Variants in HIVEP2 observed in about 807,000 individuals in gnomAD.
HIVEP2 encodes transcription factor HIVEP2.
In HIVEP2, 14 loss-of-function variants were observed where a neutral mutation model predicts 180.7. That is an observed-to-expected ratio of 0.08 (90% CI 0.05 to 0.12). HIVEP2 has a LOEUF of 0.12. HIVEP2 is among the 10% of genes least tolerant of loss of function. The probability of loss-of-function intolerance (pLI) is 1.00; values close to 1 mark genes in which losing one functional copy is unlikely to be tolerated. For missense variants in HIVEP2, 2,579 were observed against 3,008.5 expected (o/e 0.86, Z 3.34); for synonymous variants, 1,184 against 1,136.4 (o/e 1.04, Z -0.84).
chr6:142,771,427 C>T lies in HIVEP2; in HGVS notation c.3312G>A (p.Lys1104=), dbSNP rs1358217453. Residue 1104 remains lysine, a synonymous_variant, in exon 5 of 10, where the codon AAG becomes AAA. Transcript: ENST00000367603. This position sits in a 1 kb window ranked among gnomAD's most constrained non-coding sequence, Gnocchi z 5.4. ...CATGCAGGTGCTCCAGCTGCTCTTGCTTCACGCTCTGATCCATGCCAACCT... is the reference window on the plus strand; with the variant it reads ...CATGCAGGTGCTCCAGCTGCTCTTGTTTCACGCTCTGATCCATGCCAACCT... The part of the protein sequence containing the change: ...QGEVGMDQSV[K]QEQLEHLHAG... 2.5e-6 allele frequency: 4 copies of T among 1,613,566 alleles called. No homozygotes were observed. The highest frequency in any genetic ancestry group is 3.4e-6 in the Non-Finnish European group (4 of 1,180,026).
In HIVEP2 at chr6:142,929,410, G is replaced by A. The variant is rs542898630; in HGVS notation, c.-641+15689C>T. 2.8e-4 allele frequency among the ~76,000 whole-genome samples: 42 copies of A among 152,082 alleles called. 1 individual carries two copies. The South Asian group carries it at 8.3e-3, about 30-fold the overall frequency. ...AGGATATAAAGATCAGTATGAGAAC[G>A]GTAAGATAAATTAACTTATGAATAA... On this transcript the variant is annotated intron_variant, in intron 1 of 9. Coordinates refer to ENST00000367603, the MANE Select transcript of HIVEP2 (RefSeq NM_006734.4).
intron 3 of HIVEP2, among the ~76,000 whole-genome samples, chr6:142,779,255 A>G (rs1263190503): frequency 2.6e-5 from 4 of 152,186 alleles, no homozygotes; most frequent in Non-Finnish European, 5.9e-5. Flanking sequence ...TAAGAACCTT[A>G]CAAGTGAAAA....
At chr6:142,797,288 C>A (rs955653032) in intron 2 of HIVEP2, among the ~76,000 whole-genome samples, 2 of 152,118 alleles carry the variant, frequency 1.3e-5, no homozygotes, top group African/African-American at 4.8e-5. Flanking sequence ...TAAACTTCAT[C>A]TATCCAAGTC....
In HIVEP2 at chr6:142,760,065, G is replaced by A; in HGVS notation, c.6223C>T (p.His2075Tyr). ...GACAGATCTCTCCTAGGTGATAAAT[G>A]TCTCCTGGGAGATAAATCTCCTTTG... ...IPKGDLSPRR[H>Y]LSPRRDLSPM... Residue 2075 changes from histidine to tyrosine, a missense_variant, in exon 9 of 10, where the codon CAT becomes TAT. This residue lies in a region of HIVEP2 where 660 missense variants were observed against 731.7 expected (regional missense o/e 0.90). Coordinates refer to ENST00000367603, the MANE Select transcript of HIVEP2 (RefSeq NM_006734.4). 3.1e-6 allele frequency: 5 copies of A among 1,613,920 alleles called. No homozygotes were observed. In the South Asian group the frequency reaches 4.4e-5, roughly 14 times the overall value.
intron 1 of HIVEP2, among the ~76,000 whole-genome samples, chr6:142,879,280 T>A (rs765674712): frequency 1.3e-5 from 2 of 151,998 alleles, no homozygotes; most frequent in Non-Finnish European, 2.9e-5. Flanking sequence ...GTAATTTGAG[T>A]CAGGAGCACC....
intron 1 of HIVEP2, among the ~76,000 whole-genome samples, chr6:142,860,720 A>G (rs1447511950): frequency 2.6e-5 from 4 of 152,162 alleles, no homozygotes; most frequent in Admixed American, 2.6e-4. Context: ...GCGGAGCTCA[A>G]GTGGTAATGC....
intron 1 of HIVEP2, among the ~76,000 whole-genome samples, chr6:142,944,427 C>CCACACACA (rs34581763): frequency 5.4e-4 from 80 of 146,918 alleles, no homozygotes; most frequent in African/African-American, 1.9e-3. Flanking sequence ...CCCCACACAC[C>CCACACACA]CACACACACA....
intron 1 of HIVEP2, among the ~76,000 whole-genome samples, chr6:142,853,934 G>T (rs1775753824): frequency 6.6e-6 from 1 of 152,284 alleles, no homozygotes; most frequent in South Asian, 2.1e-4. Context: ...GAGAATTGAG[G>T]AAGAGAAGGG....
chr6:142,922,508 A>G (rs1420117178), intron 1 of HIVEP2, among the ~76,000 whole-genome samples: 1 of 152,228 alleles, frequency 6.6e-6, no homozygotes, highest in African/African-American at 2.4e-5. Context: ...TCATTTATTG[A>G]GTGCTTACTA....
chr6:142,774,428 G>A lies in HIVEP2; in HGVS notation c.311C>T (p.Ser104Leu), dbSNP rs1775639321. ...GCTGTGCATGACCCCCTGTGGCAAT[G>A]AGTGCTGAGGGAAAGAGAGTGAGTG... ...CQHSLSFPQH[S>L]LPQGVMHSTK... The change falls in exon 5 of 10, where the codon TCA becomes TTA. Residue 104 changes from serine (S) to leucine (L), a missense_variant. Physicochemically the swap from Ser to Leu is moderately radical, Grantham distance 145 (BLOSUM62 -2). Coordinates refer to ENST00000367603, the MANE Select transcript of HIVEP2 (RefSeq NM_006734.4). The surrounding 1 kb of genome is among the most constrained non-coding windows in gnomAD (Gnocchi z 5.1). 5 of 1,614,220 alleles carry A rather than the reference G, an allele frequency of 3.1e-6. No individual in the cohort carries two copies. The highest frequency in any genetic ancestry group is 4.2e-6 in the Non-Finnish European group (5 of 1,180,046).
Position 142,828,824 on chromosome 6 carries a change from T to A in HIVEP2, c.-528+8111A>T, listed in dbSNP as rs962124952. ...AATACTGAGCACAATGTCTTGCACA[T>A]GGCTGGCTTTCCATAAATGTTGGTT... On this transcript the variant is annotated intron_variant, in intron 2 of 9. Transcript: ENST00000367603. Among the ~76,000 whole-genome samples the A allele has an allele frequency of 3.3e-5, 5 of 152,204 alleles. No individual in the cohort carries two copies. The South Asian group carries it at 6.2e-4, about 19-fold the overall frequency.
At chr6:142,843,169 C>G (rs919382519) in intron 1 of HIVEP2, among the ~76,000 whole-genome samples, 1 of 152,130 alleles carries the variant, frequency 6.6e-6, no homozygotes, top group African/African-American at 2.4e-5. Context: ...CGAAAGTCTA[C>G]GTGGAACCCC....
intron 2 of HIVEP2, among the ~76,000 whole-genome samples, chr6:142,806,363 C>A (rs1026936719): frequency 1.3e-5 from 2 of 152,098 alleles, no homozygotes; most frequent in African/African-American, 4.8e-5. Flanking sequence ...ATGGAGTAGC[C>A]ATTCTTTATT....
intron 1 of HIVEP2, among the ~76,000 whole-genome samples, chr6:142,849,942 A>G (rs198655): frequency 0.99 from 151,510 of 152,352 alleles, 75,339 homozygotes; most frequent in East Asian, 1. Context: ...AGGCCTACTA[A>G]GCCACAGCAT....
chr6:142,907,743 C>T (rs1028265704), intron 1 of HIVEP2, among the ~76,000 whole-genome samples: 2 of 152,152 alleles, frequency 1.3e-5, no homozygotes, highest in African/African-American at 4.8e-5. Context: ...AGAGGACCTG[C>T]GCTCAGGACC....
In HIVEP2 at chr6:142,778,004, C is replaced by G. The variant is rs761915391; in HGVS notation, c.-432-1813G>C. Among the ~76,000 whole-genome samples the G allele has an allele frequency of 1.3e-5, 2 of 152,220 alleles. 1 individual carries two copies. Among genetic ancestry groups the G allele is most frequent in the Middle Eastern group, 6.8e-3 (2 of 294 alleles). On this transcript the variant is annotated intron_variant, in intron 3 of 9. Transcript: ENST00000367603. ...GGAAATTCCCACAGGAACGGTAAGT[C>G]TTTTGGGTGAGAAATCAGTAGCCCC...
At chr6:142,941,184 G>C (rs934595011) in intron 1 of HIVEP2, among the ~76,000 whole-genome samples, 2 of 152,200 alleles carry the variant, frequency 1.3e-5, no homozygotes, top group East Asian at 1.9e-4. Flanking sequence ...GTTTAGGCCT[G>C]TGTCTATCTA....
intron 1 of HIVEP2, among the ~76,000 whole-genome samples, chr6:142,927,036 G>A (rs1777835248): frequency 1.3e-5 from 2 of 151,404 alleles, no homozygotes; most frequent in South Asian, 4.1e-4. Flanking sequence ...GGGCGGCCAG[G>A]GCTCCCCTCT....
At chr6:142,818,789 G>GAAAGAAA (rs1200606899) in intron 2 of HIVEP2, among the ~76,000 whole-genome samples, 39 of 122,346 alleles carry the variant, frequency 3.2e-4, no homozygotes, top group African/African-American at 1.2e-3. Flanking sequence ...AAGAAAGAAA[G>GAAAGAAA]AAAAAGAAAA....
Sources: allele counts gnomAD v4.1 joint callset (sites outside exome capture counted in the v4.1 genomes callset), GRCh38; gene constraint gnomAD v4.1.1; regional missense constraint gnomAD v4.1.1; non-coding constraint Gnocchi (gnomAD v3.1); transcripts MANE v1.5; gene names NCBI Gene and HGNC (gene_info 2026-07-23, HGNC 2026-07-21).